The following ZNF418 variants were observed in gnomAD, a reference collection of about 807,000 sequenced individuals.
The protein encoded by ZNF418 is zinc finger protein 418.
Under a neutral mutation model 32.0 loss-of-function variants are expected in ZNF418, and 32 were observed. The observed-to-expected ratio is 1.00, with a 90% confidence interval of 0.75 to 1.34. The LOEUF (loss-of-function observed/expected upper bound fraction) is 1.34. Ranked by LOEUF, ZNF418 falls within the 40% of genes most tolerant of loss-of-function variation. The pLI is 0.00. For missense variants in ZNF418, 804 were observed against 812.5 expected (o/e 0.99, Z 0.13); for synonymous variants, 276 against 270.7 (o/e 1.02, Z -0.19).
intron 4 of ZNF418, among the ~76,000 whole-genome samples, chr19:57,924,732 A>G (rs1007839353): frequency 1.3e-5 from 2 of 152,184 alleles, no homozygotes; most frequent in Admixed American, 6.5e-5. Context: ...ACTGAGCAGA[A>G]TGCAATATCC....
rs2072214112 is a variant in ZNF418, at chr19:57,926,249, T to C, written c.1932A>G (p.Glu644=). 6.2e-7 allele frequency: 1 copy of C among 1,613,944 alleles called. No individual in the cohort carries two copies. Among genetic ancestry groups the C allele is most frequent in the Non-Finnish European group, 8.5e-7 (1 of 1,179,908 alleles). ...LTEHRRVHTG[E]RPYECSECGK... ...CACATTCACTGCACTCATAAGGCCT[T>C]TCTCCAGTGTGTACTCTCCTGTGTT... The change falls in exon 4 of 6, where the codon GAA becomes GAG. Residue 644 remains glutamate, a synonymous_variant. Coordinates refer to ENST00000396147, the MANE Select transcript of ZNF418 (RefSeq NM_133460.3).
chr19:57,934,690 C>CT (rs2072623295), intron 1 of ZNF418: 1 of 194,036 alleles, frequency 5.2e-6, no homozygotes, highest in African/African-American at 2.3e-5. Context: ...TCTCTACCAC[C>CT]TATGTGATCT....
rs920619865 is a variant in ZNF418 at position 57,925,769 on chromosome 19, G to A, written c.*381C>T. ...GACATCATGTCTGGCAAGGGAACCC[G>A]GCAGGGTGAAAAATGCCACACAGCT... On this transcript the variant is annotated 3_prime_UTR_variant, in exon 4 of 6. Transcript: ENST00000396147. 9 of 188,352 alleles carry A rather than the reference G, an allele frequency of 4.8e-5. No individual in the cohort carries two copies. Among genetic ancestry groups the A allele is most frequent in the South Asian group, 2.6e-4 (2 of 7,822 alleles). The allele number at this position is 188,352 out of a possible 1,614,324, so 11.7% of individuals were successfully genotyped here. A position where few individuals can be genotyped will look rare whatever the true frequency, so the allele number is the denominator to read the frequency against.
chr19:57,927,755 C>G lies in ZNF418; in HGVS notation c.426G>C (p.Glu142Asp). 6.2e-7 allele frequency: 1 copy of G among 1,614,212 alleles called. No homozygotes were observed. The highest frequency in any genetic ancestry group is 8.5e-7 in the Non-Finnish European group (1 of 1,180,046). Reference sequence around the variant, plus strand: ...TACACCTCTTCACAAACAATGCTTCCTCAACACTGCTTCTATAGGGTTTCT... The same window carrying G: ...TACACCTCTTCACAAACAATGCTTCGTCAACACTGCTTCTATAGGGTTTCT... ...LGEKPYRSSVEEALFVKRCKF... is the reference protein window; with the variant it reads ...LGEKPYRSSVDEALFVKRCKF... Residue 142 changes from glutamate (E) to aspartate (D), a missense_variant, in exon 4 of 6, where the codon GAG (glutamate) becomes GAC (aspartate). This residue lies in a region of ZNF418 where 307 missense variants were observed against 304.9 expected (regional missense o/e 1.01). Transcript: ENST00000396147.
intron 1 of ZNF418, chr19:57,934,269 A>T: frequency 9.9e-7 from 1 of 1,011,322 alleles, no homozygotes; most frequent in African/African-American, 1.7e-5. Context: ...CTTGTTGCCC[A>T]GGCCGGAGTG....
At chr19:57,932,254 T>C (rs1243322431) in intron 2 of ZNF418, among the ~76,000 whole-genome samples, 1 of 152,230 alleles carries the variant, frequency 6.6e-6, no homozygotes, top group Non-Finnish European at 1.5e-5. Context: ...CCAGGATACA[T>C]TATCCAATAG....
intron 4 of ZNF418, among the ~76,000 whole-genome samples, chr19:57,924,549 G>T (rs922428204): frequency 6.6e-6 from 1 of 152,178 alleles, no homozygotes. Context: ...TGTGGATGAC[G>T]TGCATTCCAA....
At chr19:57,929,388 C>A (rs2072387043) in intron 3 of ZNF418, among the ~76,000 whole-genome samples, 1 of 152,234 alleles carries the variant, frequency 6.6e-6, no homozygotes, top group Non-Finnish European at 1.5e-5. Context: ...TCTTCTGCAG[C>A]ACTGAGGACT....
rs527873578 is a variant in ZNF418, at chr19:57,925,873, G to C, written c.*277C>G. The C allele has an allele frequency of 7.7e-6, 3 of 391,924 alleles. No individual in the cohort carries two copies. Among genetic ancestry groups the C allele is most frequent in the South Asian group, 5.1e-5 (1 of 19,756 alleles). 24.3% of individuals were successfully genotyped at this position (391,924 alleles called of 1,614,324 possible). ...GCTCCGTCATAAGGCATCTCCTCCA[G>C]TGTTATGTTTTACAAGAAATAATAT... On this transcript the variant is annotated 3_prime_UTR_variant, in exon 4 of 6. Transcript: ENST00000396147.
At chr19:57,928,177 C>A in intron 3 of ZNF418, 130 bp from the exon 4 acceptor site, 2 of 768,692 alleles carry the variant, frequency 2.6e-6, no homozygotes, top group Admixed American at 3.0e-5. Flanking sequence ...GTTGGCTTCA[C>A]GTGGAAGATG....
intron 4 of ZNF418, among the ~76,000 whole-genome samples, chr19:57,924,620 C>T (rs1252394514): frequency 1.3e-5 from 2 of 152,184 alleles, no homozygotes; most frequent in Non-Finnish European, 2.9e-5. Flanking sequence ...ATTATGACTT[C>T]CTGTTATAAT....
Position 57,927,485 on chromosome 19 carries a change from G to C in ZNF418, c.696C>G (p.Cys232Trp). 1 of 1,614,176 alleles carries C rather than the reference G, an allele frequency of 6.2e-7. No individual in the cohort carries two copies. The highest frequency in any genetic ancestry group is 8.5e-7 in the Non-Finnish European group (1 of 1,180,036). ...TGCTAAAGGATTTCCCACATTCCCAGCAATAACATTCCTCTCTAGAGGGAA... is the reference window on the plus strand; with the variant it reads ...TGCTAAAGGATTTCCCACATTCCCACCAATAACATTCCTCTCTAGAGGGAA... ...QRLPSREECY[C>W]WECGKSFSKY... Residue 232 changes from cysteine to tryptophan, a missense_variant, in exon 4 of 6, where the codon TGC becomes TGG. By Grantham distance (215) the Cys-to-Trp change is radical (BLOSUM62 -2). Transcript: ENST00000396147.
chr19:57,932,299 T>C (rs781153649), intron 2 of ZNF418: 4 of 783,436 alleles, frequency 5.1e-6, no homozygotes, highest in African/African-American at 1.7e-5. Flanking sequence ...CTCAGGCCAT[T>C]TGAGGTCATA....
At chr19:57,931,533 A>G (rs890925714) in intron 2 of ZNF418, among the ~76,000 whole-genome samples, 2 of 152,014 alleles carry the variant, frequency 1.3e-5, no homozygotes, top group African/African-American at 2.4e-5. Flanking sequence ...GCACAGGCAC[A>G]TGTCACGGCC....
At chr19:57,923,475 T>C (rs973992474) in intron 4 of ZNF418, among the ~76,000 whole-genome samples, 186 bp from the exon 5 acceptor site, 14 of 150,500 alleles carry the variant, frequency 9.3e-5, no homozygotes, top group Admixed American at 4.0e-4. Context: ...CATATATACA[T>C]ACATATACAT....
chr19:57,931,233 C>T (rs2072476197), intron 2 of ZNF418, among the ~76,000 whole-genome samples: 1 of 152,042 alleles, frequency 6.6e-6, no homozygotes, highest in Non-Finnish European at 1.5e-5. Flanking sequence ...TGGAGTTTCG[C>T]TCTTGTTGCC....
At chr19:57,931,950 G>A (rs943994953) in intron 2 of ZNF418, among the ~76,000 whole-genome samples, 2 of 152,184 alleles carry the variant, frequency 1.3e-5, no homozygotes, top group Non-Finnish European at 2.9e-5. Flanking sequence ...ATAGTGTTGG[G>A]GAAACAATTG....
At chr19:57,931,124 C>T (rs927351771) in intron 2 of ZNF418, among the ~76,000 whole-genome samples, 1 of 152,146 alleles carries the variant, frequency 6.6e-6, no homozygotes, top group African/African-American at 2.4e-5. Context: ...ACAGCTAATG[C>T]CTGTGGTATA....
At chr19:57,932,308 T>C (rs935780257) in intron 2 of ZNF418, 2 of 860,848 alleles carry the variant, frequency 2.3e-6, no homozygotes, top group African/African-American at 3.3e-5. Context: ...TTTGAGGTCA[T>C]ACAGTATCAC....
Sources: allele counts gnomAD v4.1 joint callset (sites outside exome capture counted in the v4.1 genomes callset), GRCh38; gene constraint gnomAD v4.1.1; regional missense constraint gnomAD v4.1.1; transcripts MANE v1.5; gene names NCBI Gene and HGNC (gene_info 2026-07-23, HGNC 2026-07-21).